PDE6C: variants seen among roughly 807,000 people sequenced by gnomAD.
PDE6C encodes the protein phosphodiesterase 6C.
Under a neutral mutation model 113.1 loss-of-function variants are expected in PDE6C, and 75 were observed. The ratio of observed to expected loss-of-function variants is 0.66; its 90% CI spans 0.55 to 0.80. The LOEUF (loss-of-function observed/expected upper bound fraction) is 0.80. Ranked by LOEUF, PDE6C falls within the 30% of genes least tolerant of loss-of-function variation. PDE6C has a pLI of 0.00. For missense variants in PDE6C, 912 were observed against 1,038.6 expected (o/e 0.88, Z 1.67); for synonymous variants, 375 against 363.7 (o/e 1.03, Z -0.35).
chr10:93,662,894 A>G, intron 20 of PDE6C, 134 bp from the exon 21 acceptor site: 1 of 799,246 alleles, frequency 1.3e-6, no homozygotes, highest in Non-Finnish European at 2.1e-6. Flanking sequence ...CCCAAACTTC[A>G]TAGGCCCGTG....
intron 15 of PDE6C, among the ~76,000 whole-genome samples, chr10:93,653,783 A>G (rs189203776): frequency 2.0e-5 from 3 of 152,352 alleles, no homozygotes; most frequent in Admixed American, 2.0e-4. Context: ...GTTTAACTAT[A>G]GTTGCTATGA....
chr10:93,629,111 G>T (rs2058487409), intron 7 of PDE6C, 147 bp from the exon 8 acceptor site: 1 of 722,116 alleles, frequency 1.4e-6, no homozygotes, highest in Non-Finnish European at 2.6e-6. Context: ...AGCAGCTGTG[G>T]CCTAGTTGAG....
chr10:93,622,662 G>GTTTTTTTTTTTTTT (rs2058453827), intron 4 of PDE6C, among the ~76,000 whole-genome samples: 5 of 49,748 alleles, frequency 1.0e-4, no homozygotes, highest in African/African-American at 4.8e-4. Context: ...TTTTTTTTTT[G>GTTTTTTTTTTTTTT]TTGTTTTTTT....
intron 14 of PDE6C, among the ~76,000 whole-genome samples, chr10:93,645,294 C>G (rs75785520): frequency 2.6e-5 from 4 of 152,204 alleles, no homozygotes; most frequent in Admixed American, 2.6e-4. Context: ...TGACCTCTCC[C>G]AGCCTAAAGT....
intron 15 of PDE6C, among the ~76,000 whole-genome samples, chr10:93,655,470 T>G (rs2058632030): frequency 1.3e-5 from 2 of 152,088 alleles, no homozygotes; most frequent in African/African-American, 2.4e-5. Flanking sequence ...AAGAAAACAT[T>G]TATTTACTCC....
At chr10:93,620,501 G>A (rs377005803) in intron 1 of PDE6C, 131 bp from the exon 2 acceptor site, 2 of 883,968 alleles carry the variant, frequency 2.3e-6, no homozygotes, top group Non-Finnish European at 1.9e-6. Context: ...TGTTTACTGG[G>A]GACCACTGTA....
At chr10:93,634,375 G>A (rs2058517630) in intron 8 of PDE6C, among the ~76,000 whole-genome samples, 1 of 152,240 alleles carries the variant, frequency 6.6e-6, no homozygotes, top group South Asian at 2.1e-4. Context: ...GAAGGGAGGA[G>A]TACAGGACAG....
chr10:93,637,968 T>C (rs977122622), intron 11 of PDE6C, among the ~76,000 whole-genome samples: 1 of 152,218 alleles, frequency 6.6e-6, no homozygotes, highest in African/African-American at 2.4e-5. Flanking sequence ...AGAATTGTTT[T>C]AGATTTCATT....
intron 14 of PDE6C, among the ~76,000 whole-genome samples, chr10:93,645,585 T>TA (rs1228855934): frequency 1.2e-4 from 19 of 152,156 alleles, no homozygotes; most frequent in African/African-American, 4.3e-4. Context: ...AGAGAAATGT[T>TA]ACCTTATAGT....
At chr10:93,616,392 G>A (rs1053420206) in intron 1 of PDE6C, among the ~76,000 whole-genome samples, 2 of 152,226 alleles carry the variant, frequency 1.3e-5, no homozygotes, top group African/African-American at 4.8e-5. Flanking sequence ...GGAGAGGGCT[G>A]TGGCATCAGA....
intron 8 of PDE6C, among the ~76,000 whole-genome samples, chr10:93,633,131 A>G (rs1032835020): frequency 6.6e-6 from 1 of 152,094 alleles, no homozygotes; most frequent in Non-Finnish European, 1.5e-5. Flanking sequence ...ATGGTTCTCA[A>G]ACTTCAGAGG....
At chr10:93,640,714 G>A (rs554629430) in intron 13 of PDE6C, among the ~76,000 whole-genome samples, 157 bp downstream of exon 13, 2 of 152,178 alleles carry the variant, frequency 1.3e-5, no homozygotes, top group African/African-American at 2.4e-5. Context: ...CTTGAGCACC[G>A]GTGGGATGAT....
intron 4 of PDE6C, 92 bp downstream of exon 4, chr10:93,622,164 T>C: frequency 8.2e-7 from 1 of 1,220,798 alleles, no homozygotes; most frequent in Admixed American, 1.7e-5. Context: ...AGATACACTA[T>C]GTAAATAATT....
chr10:93,612,546 C>A lies in PDE6C; in HGVS notation c.-180C>A. 1.3e-6 allele frequency: 1 copy of A among 779,030 alleles called. No individual in the cohort carries two copies. Among genetic ancestry groups the A allele is most frequent in the Non-Finnish European group, 2.1e-6 (1 of 466,506 alleles). 48.3% of individuals were successfully genotyped at this position (779,030 alleles called of 1,614,324 possible). A position where few individuals can be genotyped will look rare whatever the true frequency, so the allele number is the denominator to read the frequency against. On this transcript the variant is annotated 5_prime_UTR_variant, in exon 1 of 22. Coordinates refer to ENST00000371447, the MANE Select transcript of PDE6C (RefSeq NM_006204.4). ...TAAGCCAGGGCCTTCTGTCACATCC[C>A]AAGAGTTACAGGCAGTTTGAAAGCT...
chr10:93,661,849 G>T (rs537051130), intron 18 of PDE6C, among the ~76,000 whole-genome samples: 1 of 152,162 alleles, frequency 6.6e-6, no homozygotes, highest in Non-Finnish European at 1.5e-5. Context: ...CCTAGAATAA[G>T]CCTAGAACAC....
At chr10:93,625,762 C>A (rs777201835) in intron 5 of PDE6C, 113 bp downstream of exon 5, 2 of 733,768 alleles carry the variant, frequency 2.7e-6, no homozygotes, top group African/African-American at 1.7e-5. Context: ...GTAGAAACAG[C>A]ACTAGACAAG....
chr10:93,648,828 A>G (rs1298220032), intron 15 of PDE6C, among the ~76,000 whole-genome samples: 1 of 152,236 alleles, frequency 6.6e-6, no homozygotes, highest in Non-Finnish European at 1.5e-5. Context: ...TCTTGTTATT[A>G]TTCAGAACAT....
intron 14 of PDE6C, among the ~76,000 whole-genome samples, chr10:93,642,145 C>G (rs1211971328): frequency 2.0e-5 from 3 of 152,114 alleles, no homozygotes; most frequent in Non-Finnish European, 4.4e-5. Context: ...GAGGGCAGAT[C>G]ACGAGGTCAG....
At chr10:93,636,749 C>A (rs1160521900) in intron 10 of PDE6C, among the ~76,000 whole-genome samples, 2 of 151,978 alleles carry the variant, frequency 1.3e-5, no homozygotes, top group Non-Finnish European at 2.9e-5. Flanking sequence ...TGCCATGGAA[C>A]TCATTGTAGT....
Sources: gnomAD v4.1 joint callset for allele counts (sites outside exome capture counted in the v4.1 genomes callset) on GRCh38, gnomAD v4.1.1 for gene constraint, MANE v1.5 for transcripts, NCBI Gene and HGNC (gene_info 2026-07-23, HGNC 2026-07-21) for gene names.